DLGAP1: variants seen among roughly 807,000 people sequenced by gnomAD.
DLGAP1 encodes the protein DLG associated protein 1.
DLGAP1 carries 11 observed loss-of-function variants against 90.8 expected under a neutral mutation model. The ratio of observed to expected loss-of-function variants is 0.12; its 90% CI spans 0.08 to 0.20. The LOEUF (loss-of-function observed/expected upper bound fraction) is 0.20, where lower values mean the gene tolerates loss of function less well. Ranked by LOEUF, DLGAP1 falls within the 10% of genes least tolerant of loss-of-function variation. The pLI is 1.00. For missense variants in DLGAP1, 1,050 were observed against 1,333.8 expected (o/e 0.79, Z 3.31); for synonymous variants, 558 against 540.7 (o/e 1.03, Z -0.44).
chr18:3,579,509 C>T lies in DLGAP1; in HGVS notation c.1965+2366G>A, dbSNP rs116377012. Among the ~76,000 whole-genome samples the T allele has an allele frequency of 6.3e-3, 953 of 152,336 alleles. 10 individuals are homozygous for T. Among genetic ancestry groups the T allele is most frequent in the African/African-American group, 0.022 (901 of 41,570 alleles). ...ACAGGCATGAGCTACTGTGCCTGGC[C>T]ACGCCTGGCTTTTAAATTAGCCTTA... On this transcript the variant is annotated intron_variant, in intron 8 of 12. Transcript: ENST00000315677.
intron 2 of DLGAP1, among the ~76,000 whole-genome samples, chr18:4,089,770 G>A (rs1474775326): frequency 2.0e-5 from 3 of 152,226 alleles, no homozygotes; most frequent in Admixed American, 1.3e-4. Flanking sequence ...TCCTGGCCGG[G>A]CACGGTGGCT....
chr18:4,382,729 G>T (rs577635953), intron 1 of DLGAP1, among the ~76,000 whole-genome samples: 1 of 152,120 alleles, frequency 6.6e-6, no homozygotes, highest in Non-Finnish European at 1.5e-5. Context: ...TATGAAAAAT[G>T]AAACCTTTCC....
intron 1 of DLGAP1, among the ~76,000 whole-genome samples, chr18:4,327,218 T>C (rs139085648): frequency 6.6e-6 from 1 of 152,210 alleles, no homozygotes; most frequent in African/African-American, 2.4e-5. Flanking sequence ...ATTTTAAATG[T>C]TCTCATTACA....
At chr18:3,827,072 G>C (rs1219483780) in intron 4 of DLGAP1, among the ~76,000 whole-genome samples, 1 of 152,170 alleles carries the variant, frequency 6.6e-6, no homozygotes, top group Non-Finnish European at 1.5e-5. Context: ...GAAATTAGGA[G>C]TTCAGTTTGG....
chr18:3,771,989 A>G (rs2064578886), intron 5 of DLGAP1, among the ~76,000 whole-genome samples: 1 of 152,272 alleles, frequency 6.6e-6, no homozygotes. Flanking sequence ...TTTCGGGAAC[A>G]GAAGCGCAAA....
chr18:3,599,787 T>A (rs1368766898), intron 7 of DLGAP1, among the ~76,000 whole-genome samples: 2 of 151,890 alleles, frequency 1.3e-5, no homozygotes, highest in East Asian at 3.9e-4. Flanking sequence ...CCCGGCTAAT[T>A]TTGGTATTTT....
At chr18:4,238,282 T>C (rs1326044457) in intron 1 of DLGAP1, among the ~76,000 whole-genome samples, 1 of 152,140 alleles carries the variant, frequency 6.6e-6, no homozygotes, top group Non-Finnish European at 1.5e-5. Context: ...ATGACCCCAA[T>C]CTAAATAGAC....
intron 1 of DLGAP1, among the ~76,000 whole-genome samples, chr18:4,390,145 T>A (rs757719251): frequency 2.8e-5 from 4 of 142,532 alleles, no homozygotes; most frequent in African/African-American, 1.0e-4. Flanking sequence ...CCATACCATG[T>A]TGGCCCATAA....
At chr18:3,664,722 A>G (rs2059817141) in intron 7 of DLGAP1, among the ~76,000 whole-genome samples, 2 of 152,218 alleles carry the variant, frequency 1.3e-5, no homozygotes, top group African/African-American at 4.8e-5. Context: ...CCTAGATGGT[A>G]AACTCCATGA....
intron 7 of DLGAP1, among the ~76,000 whole-genome samples, chr18:3,683,367 A>G (rs562120471): frequency 4.6e-5 from 7 of 152,204 alleles, no homozygotes; most frequent in Non-Finnish European, 8.8e-5. Context: ...AATACCAACA[A>G]TATATAAGCA....
chr18:3,570,686 T>C (rs1280854344), intron 8 of DLGAP1, among the ~76,000 whole-genome samples: 1 of 151,842 alleles, frequency 6.6e-6, no homozygotes, highest in African/African-American at 2.4e-5. Context: ...CCTAGCACTT[T>C]GGGAGGCCGA....
intron 1 of DLGAP1, among the ~76,000 whole-genome samples, chr18:4,285,864 C>A (rs62086558): frequency 0.023 from 3,454 of 152,256 alleles, 48 homozygotes; most frequent in Admixed American, 0.032. Context: ...TACCTGTTAA[C>A]CCAGGTTACA....
chr18:3,582,021 T>C lies in DLGAP1; in HGVS notation c.1819A>G (p.Asn607Asp). 1 of 1,613,912 alleles carries C rather than the reference T, an allele frequency of 6.2e-7. No homozygotes were observed. Among genetic ancestry groups the C allele is most frequent in the Non-Finnish European group, 8.5e-7 (1 of 1,179,986 alleles). ...CTGGCAGGGCCATGGATCTGGGCGT[T>C]TGCAGCTTCGATGGCGGCTGTCAGA... ...KALTAAIEAA[N>D]AQIHGPASQH... The change falls in exon 8 of 13, where the codon AAC (asparagine) becomes GAC (aspartate). Residue 607 changes from asparagine (N) to aspartate (D), a missense_variant. Asn to Asp is a conservative substitution (Grantham distance 23). Coordinates refer to ENST00000315677, the MANE Select transcript of DLGAP1 (RefSeq NM_004746.4).
intron 7 of DLGAP1, among the ~76,000 whole-genome samples, chr18:3,688,922 A>T (rs2060800917): frequency 6.6e-6 from 1 of 152,062 alleles, no homozygotes. Context: ...AACAGATTTG[A>T]TACTGGGAAT....
At chr18:3,837,713 G>A (rs190651489) in intron 4 of DLGAP1, among the ~76,000 whole-genome samples, 2 of 151,624 alleles carry the variant, frequency 1.3e-5, no homozygotes, top group Admixed American at 6.6e-5. Context: ...TTAGCTGGGC[G>A]TGGTGGTGTG....
chr18:3,759,644 T>C lies in DLGAP1; in HGVS notation c.1173-17132A>G, dbSNP rs186212585. ...CTTATGCTGGATGTCATGGAGGACA[T>C]GTGATTCCTGCCCCTGGGAATTTCA... On this transcript the variant is annotated intron_variant, in intron 5 of 12. Coordinates refer to ENST00000315677, the MANE Select transcript of DLGAP1 (RefSeq NM_004746.4). Among the ~76,000 whole-genome samples, 21 of 152,310 alleles carry C rather than the reference T, an allele frequency of 1.4e-4. 1 individual carries two copies. Among genetic ancestry groups the C allele is most frequent in the Admixed American group, 9.8e-4 (15 of 15,290 alleles).
chr18:4,027,797 T>C (rs996518636), intron 2 of DLGAP1, among the ~76,000 whole-genome samples: 1 of 152,132 alleles, frequency 6.6e-6, no homozygotes, highest in Non-Finnish European at 1.5e-5. Flanking sequence ...ACACCTCAGA[T>C]TATGGTGACT....
intron 4 of DLGAP1, chr18:3,874,710 C>A: frequency 6.5e-7 from 1 of 1,533,944 alleles, no homozygotes; most frequent in East Asian, 2.4e-5. Flanking sequence ...AATCCATGTT[C>A]CTGCTCCCAA....
Position 3,635,338 on chromosome 18 carries a change from T to A in DLGAP1, c.1592-53090A>T, listed in dbSNP as rs55896075. The stretch of plus-strand genomic sequence containing the variant: ...TTTTTAGTAGAGACGGGGTTTCACC[T>A]TGTTAGCCAGGATGGTCTCGATCTC... On this transcript the variant is annotated intron_variant, in intron 7 of 12. Transcript: ENST00000315677. Among the ~76,000 whole-genome samples, 1,170 of 148,342 alleles carry A rather than the reference T, an allele frequency of 7.9e-3. 15 individuals carry two copies. The highest frequency in any genetic ancestry group is 0.027 in the African/African-American group (1,091 of 40,358).
Sources: allele counts gnomAD v4.1 joint callset (sites outside exome capture counted in the v4.1 genomes callset), GRCh38; gene constraint gnomAD v4.1.1; transcripts MANE v1.5; gene names NCBI Gene and HGNC (gene_info 2026-07-23, HGNC 2026-07-21).